Variants in MACROD2 observed in about 807,000 individuals in gnomAD.
MACROD2 encodes ADP-ribose glycohydrolase MACROD2.
A neutral mutation model predicts 70.4 loss-of-function variants in MACROD2; 36 were observed. The observed-to-expected ratio is 0.51, with a 90% confidence interval of 0.39 to 0.68. MACROD2 has a LOEUF of 0.68. Among genes scored for constraint, MACROD2 ranks in the 30% least tolerant of loss-of-function variants. MACROD2 has a pLI of 0.00. For missense variants in MACROD2, 496 were observed against 538.4 expected (o/e 0.92, Z 0.78); for synonymous variants, 172 against 178.8 (o/e 0.96, Z 0.30).
intron 5 of MACROD2, among the ~76,000 whole-genome samples, chr20:14,908,238 G>A (rs1308588261): frequency 6.6e-6 from 1 of 152,120 alleles, no homozygotes; most frequent in Non-Finnish European, 1.5e-5. Flanking sequence ...CTACTCAGGA[G>A]GTTGAGGCAG....
intron 3 of MACROD2, among the ~76,000 whole-genome samples, chr20:14,158,623 G>A (rs1321756073): frequency 2.6e-5 from 4 of 152,050 alleles, no homozygotes; most frequent in African/African-American, 4.8e-5. Flanking sequence ...ATTGTTTTGT[G>A]TATGGATATC....
chr20:14,598,888 A>T (rs773369829), intron 4 of MACROD2, among the ~76,000 whole-genome samples: 12 of 152,198 alleles, frequency 7.9e-5, no homozygotes, highest in Non-Finnish European at 1.6e-4. Context: ...TCAGTTTGAT[A>T]GAAGAGTTAT....
intron 3 of MACROD2, among the ~76,000 whole-genome samples, chr20:14,215,337 T>TATACAC (rs1166198341): frequency 1.7e-4 from 22 of 131,090 alleles, no homozygotes; most frequent in East Asian, 4.5e-4. Context: ...CCATCATATA[T>TATACAC]ACACACACAC....
intron 5 of MACROD2, among the ~76,000 whole-genome samples, chr20:14,847,933 A>C (rs933992648): frequency 6.6e-6 from 1 of 152,282 alleles, no homozygotes; most frequent in Non-Finnish European, 1.5e-5. Context: ...TGGCTTCCTT[A>C]GAAGCATTTA....
At chr20:15,863,409 T>A (rs1364439676) in intron 9 of MACROD2, among the ~76,000 whole-genome samples, 1 of 152,196 alleles carries the variant, frequency 6.6e-6, no homozygotes, top group East Asian at 1.9e-4. Flanking sequence ...TTGAGTAATG[T>A]ATTTACATCG....
At chr20:14,543,509 G>A (rs1297929773) in intron 4 of MACROD2, among the ~76,000 whole-genome samples, 1 of 152,130 alleles carries the variant, frequency 6.6e-6, no homozygotes, top group Non-Finnish European at 1.5e-5. Flanking sequence ...ATCATACATA[G>A]TTTTTAAAAT....
At chr20:14,266,913 T>G (rs183307549) in intron 3 of MACROD2, among the ~76,000 whole-genome samples, 263 of 152,282 alleles carry the variant, frequency 1.7e-3, no homozygotes, top group African/African-American at 5.7e-3. Flanking sequence ...GAACATATTG[T>G]AATCAGTATT....
At position 15,207,341 on chromosome 20, in the gene MACROD2, C is replaced by A. The variant is rs554112409; in HGVS notation, c.419-22599C>A. ...GGATAAGTTTGCTGGATATAGGATT[C>A]TGGGTTTGACAGAGTTTTAATTTTA... is the stretch of plus-strand genomic sequence containing the variant. On this transcript the variant is annotated intron_variant, in intron 5 of 17. Transcript: ENST00000684519. Among the ~76,000 whole-genome samples the A allele has an allele frequency of 9.3e-5, 14 of 150,900 alleles. No individual in the cohort carries two copies. The South Asian group carries it at 2.5e-3, about 27-fold the overall frequency.
chr20:14,085,000 T>A (rs1462377753), intron 2 of MACROD2, among the ~76,000 whole-genome samples: 1 of 133,898 alleles, frequency 7.5e-6, no homozygotes, highest in Non-Finnish European at 1.6e-5. Flanking sequence ...TGGTGGCTCA[T>A]GCCTGTAATT....
intron 6 of MACROD2, among the ~76,000 whole-genome samples, chr20:15,333,879 A>T (rs4813178): frequency 0.39 from 58,444 of 151,334 alleles, 11,911 homozygotes; most frequent in East Asian, 0.61. Context: ...TACTTTGCTT[A>T]AAAAAATGCT....
intron 4 of MACROD2, among the ~76,000 whole-genome samples, chr20:14,681,286 G>A (rs750542886): frequency 5.9e-5 from 9 of 152,110 alleles, no homozygotes; most frequent in African/African-American, 1.2e-4. Context: ...AAATGAAAAC[G>A]TATAGCTACA....
chr20:14,481,400 T>C (rs2084661763), intron 3 of MACROD2, among the ~76,000 whole-genome samples: 2 of 152,326 alleles, frequency 1.3e-5, no homozygotes, highest in South Asian at 4.1e-4. Flanking sequence ...TATGATCTCT[T>C]ATAGATAATT....
intron 5 of MACROD2, among the ~76,000 whole-genome samples, chr20:15,024,301 G>T (rs541798427): frequency 4.8e-4 from 73 of 152,134 alleles, no homozygotes; most frequent in Non-Finnish European, 9.1e-4. Context: ...TCTCCATCCA[G>T]ATGAGCGAAT....
intron 8 of MACROD2, among the ~76,000 whole-genome samples, chr20:15,777,254 A>G (rs1286844039): frequency 1.3e-5 from 2 of 152,120 alleles, no homozygotes; most frequent in African/African-American, 2.4e-5. Flanking sequence ...ACACACATAC[A>G]TATTCTAAAA....
At chr20:14,337,945 G>A (rs1404834089) in intron 3 of MACROD2, among the ~76,000 whole-genome samples, 1 of 152,074 alleles carries the variant, frequency 6.6e-6, no homozygotes, top group Non-Finnish European at 1.5e-5. Flanking sequence ...AAAAAGACAG[G>A]CTTTGTCTTA....
At chr20:15,746,896 A>G (rs867594602) in intron 8 of MACROD2, among the ~76,000 whole-genome samples, 1 of 152,184 alleles carries the variant, frequency 6.6e-6, no homozygotes, top group Non-Finnish European at 1.5e-5. Flanking sequence ...TCAATAGTGC[A>G]ATACTATAAG....
At chr20:15,905,553 G>A (rs2065134253) in intron 10 of MACROD2, among the ~76,000 whole-genome samples, 4 of 152,206 alleles carry the variant, frequency 2.6e-5, no homozygotes, top group Admixed American at 2.6e-4. Flanking sequence ...AAGCATTAGA[G>A]TGATTGTTTT....
At chr20:15,737,536 T>C (rs1361846866) in intron 8 of MACROD2, among the ~76,000 whole-genome samples, 2 of 147,224 alleles carry the variant, frequency 1.4e-5, no homozygotes, top group Non-Finnish European at 2.9e-5. Flanking sequence ...CAGCACATGA[T>C]AGTTGATGTG....
At chr20:14,056,876 A>G (rs542941297) in intron 2 of MACROD2, among the ~76,000 whole-genome samples, 152 of 151,308 alleles carry the variant, frequency 1.0e-3, no homozygotes, top group South Asian at 2.7e-3. Flanking sequence ...TGATAATTTT[A>G]TTAAAGTTTT....
Sources: allele counts gnomAD v4.1 joint callset (sites outside exome capture counted in the v4.1 genomes callset), GRCh38; gene constraint gnomAD v4.1.1; transcripts MANE v1.5; gene names NCBI Gene and HGNC (gene_info 2026-07-23, HGNC 2026-07-21).